Variants in ESRRB observed in about 807,000 individuals in gnomAD.
The protein encoded by ESRRB is steroid hormone receptor ERR2.
A neutral mutation model predicts 46.0 loss-of-function variants in ESRRB; 16 were observed. The ratio of observed to expected loss-of-function variants is 0.35; its 90% CI spans 0.24 to 0.53. The LOEUF (loss-of-function observed/expected upper bound fraction) is 0.53. Ranked by LOEUF, ESRRB falls within the 20% of genes least tolerant of loss-of-function variation. The pLI, the probability that ESRRB is intolerant of heterozygous loss-of-function variation, is 0.93. For synonymous variants in ESRRB, 246 were observed against 259.6 expected (o/e 0.95, Z 0.50); for missense variants, 488 against 607.4 (o/e 0.80, Z 2.07).
rs1278670584 is a variant in ESRRB, at chr14:76,411,823, C to T, written c.51-27518C>T. Among the ~76,000 whole-genome samples the T allele has an allele frequency of 2.0e-5, 3 of 152,156 alleles. No individual in the cohort carries two copies. The East Asian group carries it at 5.8e-4, about 29-fold the overall frequency. On this transcript the variant is annotated intron_variant, in intron 1 of 6. Coordinates refer to ENST00000644823, the MANE Select transcript of ESRRB (RefSeq NM_001379180.1). ...GAAGCTTTCGTACATTGCTCATCTG[C>T]TCTGTGCAATTTGCCTCAACTATAA...
intron 1 of ESRRB, among the ~76,000 whole-genome samples, chr14:76,343,856 T>C (rs1884219489): frequency 6.6e-6 from 1 of 152,216 alleles, no homozygotes; most frequent in Non-Finnish European, 1.5e-5. Flanking sequence ...AGTAAAGAAT[T>C]TTCAGCCATG....
At chr14:76,351,380 G>T (rs1389757650) in intron 1 of ESRRB, among the ~76,000 whole-genome samples, 1 of 152,196 alleles carries the variant, frequency 6.6e-6, no homozygotes, top group East Asian at 1.9e-4. Context: ...ACTTATGGTG[G>T]TTGCTGGCAG....
At chr14:76,332,851 T>A (rs1344773056) in intron 1 of ESRRB, among the ~76,000 whole-genome samples, 1 of 34,670 alleles carries the variant, frequency 2.9e-5, no homozygotes, top group African/African-American at 1.1e-4. Flanking sequence ...ATTTATATAT[T>A]ATATATTTAT....
At chr14:76,469,927 TTG>T (rs1353872165) in intron 3 of ESRRB, among the ~76,000 whole-genome samples, 8 of 114,620 alleles carry the variant, frequency 7.0e-5, no homozygotes, top group African/African-American at 2.9e-4. Context: ...GTGTTTTTTG[TTG>T]TTTTTTTTTT....
chr14:76,316,284 T>C (rs1883799052), intron 1 of ESRRB, among the ~76,000 whole-genome samples: 1 of 152,158 alleles, frequency 6.6e-6, no homozygotes, highest in Non-Finnish European at 1.5e-5. Flanking sequence ...CAGGCAATGC[T>C]CTCTCTTCCT....
intron 1 of ESRRB, among the ~76,000 whole-genome samples, chr14:76,358,269 G>A (rs1255115562): frequency 8.2e-5 from 12 of 146,050 alleles, no homozygotes; most frequent in Non-Finnish European, 1.0e-4. Context: ...CCAAGATTGC[G>A]CCACTGCACT....
At chr14:76,451,789 A>ATTTTT (rs111716273) in intron 2 of ESRRB, among the ~76,000 whole-genome samples, 17,485 of 121,984 alleles carry the variant, frequency 0.14, 1,381 homozygotes, top group Non-Finnish European at 0.17. Flanking sequence ...TGCCCAGCTA[A>ATTTTT]TTTTTTTTTT....
At chr14:76,355,215 A>G (rs1167092525) in intron 1 of ESRRB, among the ~76,000 whole-genome samples, 1 of 152,180 alleles carries the variant, frequency 6.6e-6, no homozygotes, top group East Asian at 1.9e-4. Flanking sequence ...GGCTCAGAGA[A>G]GTTAAGGACA....
At position 76,332,687 on chromosome 14, in the gene ESRRB, TTATATATTTATATATTA is replaced by T. The variant is rs1195747717; in HGVS notation, c.2+21811_2+21827del. 7.2e-3 allele frequency among the ~76,000 whole-genome samples: 204 copies of T among 28,150 alleles called. 3 individuals are homozygous for T. The highest frequency in any genetic ancestry group is 0.021 in the African/African-American group (142 of 6,702). The allele number at this position is 28,150 out of a possible 152,430, so 18.5% of individuals were successfully genotyped here. ...TTATATATATTTATATATTATATAT[TTATATATTTATATATTA>T]TATATATTTATATATTATATATATT... is the stretch of plus-strand genomic sequence containing the variant. On this transcript the variant is annotated intron_variant, in intron 1 of 6. Coordinates refer to the ESRRB transcript ENST00000512784.
Position 76,482,976 on chromosome 14 carries a change from G to C in ESRRB, c.850+217G>C, listed in dbSNP as rs1889867735. On this transcript the variant is annotated intron_variant, in intron 5 of 6. Coordinates refer to ENST00000644823, the MANE Select transcript of ESRRB (RefSeq NM_001379180.1). This position sits in a 1 kb window ranked among gnomAD's most constrained non-coding sequence, Gnocchi z 4.3. ...CAGTGAGGCTTATACACTGCTGCAG[G>C]CTCTTCAGAATTAGTTATCATTCGA... 6.6e-6 allele frequency among the ~76,000 whole-genome samples: 1 copy of C among 152,194 alleles called. No individual in the cohort carries two copies. Among genetic ancestry groups the C allele is most frequent in the Admixed American group, 6.5e-5 (1 of 15,270 alleles).
chr14:76,332,851 T>G (rs1344773056), intron 1 of ESRRB, among the ~76,000 whole-genome samples: 1 of 34,674 alleles, frequency 2.9e-5, no homozygotes, highest in Non-Finnish European at 4.8e-5. Flanking sequence ...ATTTATATAT[T>G]ATATATTTAT....
At chr14:76,434,585 A>G (rs1341143376) in intron 1 of ESRRB, among the ~76,000 whole-genome samples, 1 of 151,670 alleles carries the variant, frequency 6.6e-6, no homozygotes, top group African/African-American at 2.4e-5. Context: ...GCTTCAAACC[A>G]AGAGGCAGAG....
Position 76,499,545 on chromosome 14 carries a change from C to T in ESRRB, c.*1087C>T. On this transcript the variant is annotated 3_prime_UTR_variant, in exon 7 of 7. Coordinates refer to ENST00000644823, the MANE Select transcript of ESRRB (RefSeq NM_001379180.1). ...GCCTCATCCTTCCTGGCTTCCCTTC[C>T]CTGCACTCAGCATCATGCCACAGGG... 1 of 450,418 alleles carries T rather than the reference C, an allele frequency of 2.2e-6. No homozygotes were observed. Among genetic ancestry groups the T allele is most frequent in the African/African-American group, 2.0e-5 (1 of 50,418 alleles). The allele number at this position is 450,418 out of a possible 1,614,324, so 27.9% of individuals were successfully genotyped here.
intron 1 of ESRRB, among the ~76,000 whole-genome samples, chr14:76,387,497 G>T (rs75165076): frequency 6.6e-6 from 1 of 152,160 alleles, no homozygotes; most frequent in African/African-American, 2.4e-5. Context: ...AGCAGCTCTG[G>T]TTTTCACCTT....
intron 1 of ESRRB, among the ~76,000 whole-genome samples, chr14:76,425,016 T>A (rs1172704149): frequency 6.6e-6 from 1 of 152,056 alleles, no homozygotes; most frequent in African/African-American, 2.4e-5. Context: ...CACCTGTAAA[T>A]CCCATTATAG....
intron 1 of ESRRB, among the ~76,000 whole-genome samples, chr14:76,319,906 G>A (rs998790448): frequency 2.0e-5 from 3 of 152,056 alleles, no homozygotes; most frequent in African/African-American, 7.2e-5. Flanking sequence ...GAGACACGAT[G>A]ATACCATTTA....
At chr14:76,460,028 A>G (rs1888785613) in intron 2 of ESRRB, among the ~76,000 whole-genome samples, 1 of 152,196 alleles carries the variant, frequency 6.6e-6, no homozygotes, top group Non-Finnish European at 1.5e-5. Context: ...ATACTCTCTG[A>G]GCCTTTGTGA....
intron 1 of ESRRB, among the ~76,000 whole-genome samples, chr14:76,321,068 C>T (rs576062254): frequency 1.1e-3 from 167 of 152,254 alleles, no homozygotes; most frequent in Admixed American, 3.1e-3. Context: ...TAAATGGCCT[C>T]GATTTTATCA....
intron 1 of ESRRB, among the ~76,000 whole-genome samples, chr14:76,395,117 C>T (rs531625671): frequency 7.2e-5 from 11 of 152,210 alleles, no homozygotes; most frequent in South Asian, 4.2e-4. Flanking sequence ...GTCAGCCCCT[C>T]GCCCAGTGGG....
Sources: gnomAD v4.1 joint callset for allele counts (sites outside exome capture counted in the v4.1 genomes callset) on GRCh38, gnomAD v4.1.1 for gene constraint, Gnocchi (gnomAD v3.1) non-coding constraint, MANE v1.5 for transcripts, NCBI Gene and HGNC (gene_info 2026-07-23, HGNC 2026-07-21) for gene names.